The following PARN variants were observed in gnomAD, a reference collection of about 807,000 sequenced individuals.
PARN encodes the protein poly(A)-specific ribonuclease PARN.
PARN carries 71 observed loss-of-function variants against 102.8 expected under a neutral mutation model. The ratio of observed to expected loss-of-function variants is 0.69; its 90% CI spans 0.57 to 0.84. The LOEUF is 0.84. Ranked by LOEUF, PARN falls within the 40% of genes least tolerant of loss-of-function variation. The probability of loss-of-function intolerance (pLI) is 0.00; values close to 1 mark genes in which losing one functional copy is unlikely to be tolerated. For synonymous variants in PARN, 261 were observed against 252.9 expected, an observed-to-expected ratio of 1.03 and a Z score of -0.30; for missense variants, 782 against 760.9, an observed-to-expected ratio of 1.03 and a Z score of -0.33.
chr16:14,517,433 C>T (rs1965513397), intron 21 of PARN, among the ~76,000 whole-genome samples: 1 of 152,186 alleles, frequency 6.6e-6, no homozygotes, highest in Non-Finnish European at 1.5e-5. Flanking sequence ...GTGTGACTGA[C>T]GTCATCCAAT....
At chr16:14,573,372 G>A (rs1446181986) in intron 18 of PARN, among the ~76,000 whole-genome samples, 2 of 152,062 alleles carry the variant, frequency 1.3e-5, no homozygotes, top group Non-Finnish European at 2.9e-5. Flanking sequence ...TACACTGTTA[G>A]TAACTACAGT....
At chr16:14,629,459 C>A (rs948843101) in intron 2 of PARN, 138 bp downstream of exon 2, 3 of 668,344 alleles carry the variant, frequency 4.5e-6, no homozygotes, top group East Asian at 2.6e-5. Context: ...AAGGGTAACA[C>A]TGAGACCTGT....
Position 14,627,285 on chromosome 16 carries a change from C to T in PARN, c.229G>A (p.Asp77Asn). 1 of 1,594,590 alleles carries T rather than the reference C, an allele frequency of 6.3e-7. No individual in the cohort carries two copies. Among genetic ancestry groups the T allele is most frequent in the Non-Finnish European group, 8.5e-7 (1 of 1,169,750 alleles). Residue 77 changes from aspartate to asparagine, a missense_variant, in exon 4 of 24, where the codon GAC (aspartate) becomes AAC (asparagine). Transcript: ENST00000437198. The stretch of plus-strand genomic sequence containing the variant: ...ACAACCTACTTTGAATCTGTGTAGT[C>T]ATACTTAAAAGTGCAAAGGCCAAAC... Reference protein sequence around the residue: ...FQFGLCTFKYDYTDSKYITKS... With the variant: ...FQFGLCTFKYNYTDSKYITKS...
At chr16:14,573,246 A>C (rs1019600994) in intron 18 of PARN, among the ~76,000 whole-genome samples, 2 of 152,194 alleles carry the variant, frequency 1.3e-5, no homozygotes, top group African/African-American at 4.8e-5. Context: ...ATGTTTTGAA[A>C]TATGTATACA....
chr16:14,502,914 G>C (rs1458788379), intron 21 of PARN, among the ~76,000 whole-genome samples: 2 of 152,170 alleles, frequency 1.3e-5, no homozygotes, highest in African/African-American at 4.8e-5. Flanking sequence ...GATTTTACCA[G>C]AGATCAGGGA....
At position 14,582,297 on chromosome 16, in the gene PARN, A is replaced by T. The variant is rs764982180; in HGVS notation, c.1082-6T>A. The T allele has an allele frequency of 1.3e-6, 2 of 1,583,982 alleles. No homozygotes were observed. The highest frequency in any genetic ancestry group is 1.7e-6 in the Non-Finnish European group (2 of 1,153,052). On this transcript the variant is annotated splice_region_variant and splice_polypyrimidine_tract_variant and intron_variant, in intron 16 of 23. Transcript: ENST00000437198. ...TGGAAAACCTTCGGCACTTTCTAAG[A>T]AAAAAAAGGAAAAAGTTTTCCTCAA...
At chr16:14,580,285 G>GT (rs978739318) in intron 18 of PARN, among the ~76,000 whole-genome samples, 27 of 149,522 alleles carry the variant, frequency 1.8e-4, no homozygotes, top group South Asian at 4.3e-4. Context: ...ATTTTCTTTT[G>GT]TTTTTTTTGT....
At chr16:14,594,585 A>G (rs1439674349) in intron 12 of PARN, among the ~76,000 whole-genome samples, 1 of 152,064 alleles carries the variant, frequency 6.6e-6, no homozygotes, top group Non-Finnish European at 1.5e-5. Context: ...GTGTGGTGGC[A>G]GATGCCTGTA....
intron 21 of PARN, among the ~76,000 whole-genome samples, chr16:14,531,622 T>C (rs1203001735): frequency 6.6e-6 from 1 of 152,128 alleles, no homozygotes; most frequent in African/African-American, 2.4e-5. Flanking sequence ...TGCTTAAAAA[T>C]ACATAGAAAC....
Position 14,500,125 on chromosome 16 carries a change from G to A in PARN, c.1481-17298C>T, listed in dbSNP as rs545638011. ...GGCTGGAGTGTAGTAGCACAACCAC[G>A]GTTCACTGCAGCCTCAACTTCCCAG... On this transcript the variant is annotated intron_variant, in intron 21 of 23. Transcript: ENST00000437198. 9.2e-5 allele frequency among the ~76,000 whole-genome samples: 14 copies of A among 152,124 alleles called. No individual in the cohort carries two copies. The South Asian group carries it at 2.5e-3, about 27-fold the overall frequency.
intron 18 of PARN, among the ~76,000 whole-genome samples, chr16:14,556,033 C>T (rs1349293037): frequency 6.6e-6 from 1 of 151,908 alleles, no homozygotes; most frequent in Non-Finnish European, 1.5e-5. Flanking sequence ...CGGGGTTTCA[C>T]CATGTTGGCC....
intron 6 of PARN, among the ~76,000 whole-genome samples, chr16:14,613,528 T>G (rs535162788): frequency 6.6e-6 from 1 of 151,614 alleles, no homozygotes; most frequent in Non-Finnish European, 1.5e-5. Context: ...GAGGCTGAGG[T>G]GGGATAATCA....
At position 14,584,403 on chromosome 16, in the gene PARN, G is replaced by C. The variant is rs1174320801; in HGVS notation, c.1025C>G (p.Ser342Cys). 6.2e-7 allele frequency: 1 copy of C among 1,612,894 alleles called. No homozygotes were observed. The highest frequency in any genetic ancestry group is 8.5e-7 in the Non-Finnish European group (1 of 1,179,180). The part of the protein sequence containing the change: ...QPFKDIINNT[S>C]LAELEKRLKE... ...TAACCGCTTTTCCAATTCCGCAAGG[G>C]ATGTGTTGTTAATGATATCCTGCAA... Residue 342 changes from serine (S) to cysteine (C), a missense_variant, in exon 16 of 24, where the codon TCC becomes TGC. Physicochemically the swap from Ser to Cys is moderately radical, Grantham distance 112 (BLOSUM62 -1). Coordinates refer to ENST00000437198, the MANE Select transcript of PARN (RefSeq NM_002582.4).
At chr16:14,501,266 A>G (rs1216030841) in intron 21 of PARN, among the ~76,000 whole-genome samples, 1 of 126,924 alleles carries the variant, frequency 7.9e-6, no homozygotes, top group African/African-American at 3.1e-5. Flanking sequence ...CCATCTTTAC[A>G]AAAAAAAACA....
chr16:14,529,093 C>T (rs893984696), intron 21 of PARN, among the ~76,000 whole-genome samples: 3 of 152,168 alleles, frequency 2.0e-5, no homozygotes, highest in African/African-American at 4.8e-5. Flanking sequence ...GTCACTTCAC[C>T]GTGAGTGCAA....
intron 7 of PARN, among the ~76,000 whole-genome samples, chr16:14,609,548 G>C (rs573550968): frequency 1.3e-5 from 2 of 152,220 alleles, no homozygotes; most frequent in East Asian, 3.9e-4. Context: ...TCCAGCCTTG[G>C]CAACAGAACG....
At chr16:14,598,603 T>C (rs1970671241) in intron 12 of PARN, among the ~76,000 whole-genome samples, 1 of 152,204 alleles carries the variant, frequency 6.6e-6, no homozygotes, top group African/African-American at 2.4e-5. Flanking sequence ...TCTCAGCCAC[T>C]GCTGAAGAGG....
chr16:14,585,123 T>C (rs1274726234), intron 14 of PARN, among the ~76,000 whole-genome samples: 4 of 152,164 alleles, frequency 2.6e-5, no homozygotes, highest in Admixed American at 1.3e-4. Context: ...ATCTCAAGGG[T>C]GAGTCAAATA....
intron 22 of PARN, among the ~76,000 whole-genome samples, chr16:14,464,717 C>G (rs1962217172): frequency 6.6e-6 from 1 of 151,736 alleles, no homozygotes; most frequent in South Asian, 2.1e-4. Flanking sequence ...GGTTGCGCCA[C>G]TGCACTCCAG....
Sources: allele counts gnomAD v4.1 joint callset (sites outside exome capture counted in the v4.1 genomes callset), GRCh38; gene constraint gnomAD v4.1.1; transcripts MANE v1.5; gene names NCBI Gene and HGNC (gene_info 2026-07-23, HGNC 2026-07-21).